The following CUBN variants were observed in gnomAD, a reference collection of about 807,000 sequenced individuals.
CUBN encodes 460 kDa receptor.
In CUBN, 282 loss-of-function variants were observed where a neutral mutation model predicts 405.3. That is an observed-to-expected ratio of 0.70 (90% CI 0.63 to 0.77). The LOEUF (loss-of-function observed/expected upper bound fraction) is 0.77. Ranked by LOEUF, CUBN falls within the 30% of genes least tolerant of loss-of-function variation. The pLI, the probability that CUBN is intolerant of heterozygous loss-of-function variation, is 0.00. For missense variants in CUBN, 4,514 were observed against 4,475.2 expected (o/e 1.01, Z -0.25); for synonymous variants, 1,684 against 1,617.0 (o/e 1.04, Z -0.99).
intron 22 of CUBN, among the ~76,000 whole-genome samples, chr10:17,048,168 G>T (rs911770370): frequency 6.6e-6 from 1 of 152,220 alleles, no homozygotes; most frequent in East Asian, 1.9e-4. Flanking sequence ...CAAATGAAGA[G>T]GATTGCTACC....
chr10:16,846,689 G>A (rs1171052026), intron 60 of CUBN, among the ~76,000 whole-genome samples: 2 of 151,984 alleles, frequency 1.3e-5, no homozygotes, highest in African/African-American at 4.8e-5. Flanking sequence ...GTGCATGTCT[G>A]TAATCCCAGC....
chr10:16,885,790 G>T (rs945097859), intron 56 of CUBN, among the ~76,000 whole-genome samples: 2 of 152,154 alleles, frequency 1.3e-5, no homozygotes, highest in African/African-American at 4.8e-5. Context: ...ATACGGTCTT[G>T]TGAGATGCAC....
chr10:17,062,536 G>A (rs536686019), intron 22 of CUBN, among the ~76,000 whole-genome samples: 40 of 152,194 alleles, frequency 2.6e-4, no homozygotes, highest in Non-Finnish European at 5.3e-4. Flanking sequence ...GTTTTAACCT[G>A]TTAAACCTGT....
chr10:17,073,182 A>G (rs896301219), intron 17 of CUBN, among the ~76,000 whole-genome samples: 4 of 152,222 alleles, frequency 2.6e-5, no homozygotes, highest in Non-Finnish European at 4.4e-5. Context: ...TAATATAGAT[A>G]CACAAATCCT....
At chr10:17,050,824 C>A (rs1835248392) in intron 22 of CUBN, among the ~76,000 whole-genome samples, 1 of 152,084 alleles carries the variant, frequency 6.6e-6, no homozygotes. Flanking sequence ...GAGGTAGAGA[C>A]CTAGCAAGTT....
At chr10:17,047,724 A>C (rs1835172048) in intron 22 of CUBN, 121 bp from the exon 23 acceptor site, 1 of 899,806 alleles carries the variant, frequency 1.1e-6, no homozygotes, top group Admixed American at 2.4e-5. Flanking sequence ...GCCATTCTGG[A>C]ATGTGCAAAT....
intron 28 of CUBN, among the ~76,000 whole-genome samples, chr10:16,995,584 C>T (rs564051512): frequency 6.6e-6 from 1 of 152,066 alleles, no homozygotes; most frequent in South Asian, 2.1e-4. Context: ...TCCACCTTTC[C>T]CTCCCAAAGT....
chr10:16,835,107 A>G lies in CUBN; in HGVS notation c.10269T>C (p.Val3423=), dbSNP rs1392677689. 3.7e-6 allele frequency: 6 copies of G among 1,614,052 alleles called. No individual in the cohort carries two copies. Among genetic ancestry groups the G allele is most frequent in the Non-Finnish European group, 3.4e-6 (4 of 1,180,026 alleles). The change falls in exon 64 of 67, where the codon GTT becomes GTC. Residue 3423 remains valine, a synonymous_variant. Transcript: ENST00000377833. The part of the protein sequence containing the change: ...DNYDNDKDCT[V]TLTAPQNHTI... Reference sequence around the variant, plus strand: ...TGTGGTTCTGGGGGGCTGTGAGAGTAACGGTGCAATCCTTGTCATTGTCGT... The same window carrying G: ...TGTGGTTCTGGGGGGCTGTGAGAGTGACGGTGCAATCCTTGTCATTGTCGT...
Position 17,025,611 on chromosome 10 carries a change from A to AT in CUBN, c.4018-5629dup, listed in dbSNP as rs977211171. On this transcript the variant is annotated intron_variant, in intron 27 of 66. Transcript: ENST00000377833. ...TTTGTCAGAGGCAAAGGGAATCAAC[A>AT]TTTTTTTCCAGAGAAACCACCCAAA... Among the ~76,000 whole-genome samples, 22 of 152,278 alleles carry AT rather than the reference A, an allele frequency of 1.4e-4. No homozygotes were observed. In the South Asian group the frequency reaches 1.5e-3, roughly 10 times the overall value.
chr10:16,828,174 T>A (rs7918815), intron 66 of CUBN, among the ~76,000 whole-genome samples: 58,288 of 151,344 alleles, frequency 0.39, 12,497 homozygotes, highest in African/African-American at 0.58. Context: ...AGCTTTTTTT[T>A]AAAAAAACAG....
chr10:16,877,159 A>G, intron 56 of CUBN, 62 bp from the exon 57 acceptor site: 1 of 1,439,462 alleles, frequency 6.9e-7, no homozygotes, highest in East Asian at 2.4e-5. Flanking sequence ...TAAGGCCATA[A>G]AAATAAAAAC....
chr10:16,888,506 T>G lies in CUBN; in HGVS notation c.8816A>C (p.Gln2939Pro), dbSNP rs1480888413. The stretch of plus-strand genomic sequence containing the variant: ...GGTGCAATTCATGTTGTTGTCATAT[T>G]GTTTTGGGTAATTTGGAGAAATGAT... ...GYIISPNYPK[Q>P]YDNNMNCTYV... Residue 2939 changes from glutamine to proline, a missense_variant, in exon 56 of 67, where the codon CAA (glutamine) becomes CCA (proline). By Grantham distance (76) the Gln-to-Pro change is moderately conservative. This residue lies in a region of CUBN where 1,186 missense variants were observed against 1,186.9 expected (regional missense o/e 1.00). Transcript: ENST00000377833. 3.1e-6 allele frequency: 5 copies of G among 1,613,570 alleles called. No individual in the cohort carries two copies. In the South Asian group the frequency reaches 4.4e-5, roughly 14 times the overall value.
chr10:17,012,171 T>C (rs1284612397), intron 28 of CUBN, among the ~76,000 whole-genome samples: 24 of 152,116 alleles, frequency 1.6e-4, no homozygotes, highest in Admixed American at 1.6e-3. Flanking sequence ...TGGCCTTGAT[T>C]CTAGAGGAAA....
chr10:17,090,344 T>C (rs1017403862), intron 14 of CUBN, among the ~76,000 whole-genome samples: 3 of 151,200 alleles, frequency 2.0e-5, no homozygotes, highest in Non-Finnish European at 4.4e-5. Context: ...AATAGAAGGA[T>C]AAATCAAAAA....
intron 28 of CUBN, among the ~76,000 whole-genome samples, chr10:17,014,339 T>C (rs1834265988): frequency 6.6e-6 from 1 of 152,158 alleles, no homozygotes; most frequent in Non-Finnish European, 1.5e-5. Flanking sequence ...TAGGGTCTGC[T>C]TTAAGGTTTT....
chr10:16,891,758 G>A (rs1841015624), intron 54 of CUBN, among the ~76,000 whole-genome samples: 1 of 152,040 alleles, frequency 6.6e-6, no homozygotes, highest in Non-Finnish European at 1.5e-5. Flanking sequence ...AGAGAAGCTC[G>A]TCCTAGTTCA....
intron 31 of CUBN, among the ~76,000 whole-genome samples, chr10:16,981,805 ACC>A (rs71200971): frequency 2.0e-5 from 3 of 151,984 alleles, no homozygotes; most frequent in African/African-American, 7.2e-5. Flanking sequence ...AGTCAAGGAA[ACC>A]CTCCCATCTC....
intron 28 of CUBN, among the ~76,000 whole-genome samples, chr10:16,994,976 A>G (rs1833692448): frequency 6.6e-6 from 1 of 152,172 alleles, no homozygotes; most frequent in South Asian, 2.1e-4. Flanking sequence ...CTGTAATCTC[A>G]ACTATTCAGG....
In CUBN at chr10:16,843,166, A is replaced by C. The variant is rs1282870619; in HGVS notation, c.9664-2119T>G. Among the ~76,000 whole-genome samples, 3 of 152,236 alleles carry C rather than the reference A, an allele frequency of 2.0e-5. 1 individual carries two copies. The highest frequency in any genetic ancestry group is 4.4e-5 in the Non-Finnish European group (3 of 68,038). On this transcript the variant is annotated intron_variant, in intron 60 of 66. Coordinates refer to ENST00000377833, the MANE Select transcript of CUBN (RefSeq NM_001081.4). ...CTTCACTGTGGTGTCGCCAGCACCC[A>C]GAACAATTCCCAACCATGGCTCCCT...
Sources: allele counts gnomAD v4.1 joint callset (sites outside exome capture counted in the v4.1 genomes callset), GRCh38; gene constraint gnomAD v4.1.1; regional missense constraint gnomAD v4.1.1; transcripts MANE v1.5; gene names NCBI Gene and HGNC (gene_info 2026-07-23, HGNC 2026-07-21).